The following MSI2 variants were observed in gnomAD, a reference collection of about 807,000 sequenced individuals.
MSI2 encodes musashi RNA binding protein 2.
Under a neutral mutation model 45.6 loss-of-function variants are expected in MSI2, and 17 were observed. That is an observed-to-expected ratio of 0.37 (90% CI 0.26 to 0.56). MSI2 has a LOEUF of 0.56. MSI2 is among the 20% of genes least tolerant of loss of function. The pLI is 0.77. For missense variants in MSI2, 293 were observed against 444.2 expected, an observed-to-expected ratio of 0.66 and a Z score of 3.06; for synonymous variants, 156 against 158.2, an observed-to-expected ratio of 0.99 and a Z score of 0.11.
rs193158680 is a variant in MSI2 at position 57,356,341 on chromosome 17, G to T, written c.313-45038G>T. On this transcript the variant is annotated intron_variant, in intron 5 of 13. Coordinates refer to ENST00000284073, the MANE Select transcript of MSI2 (RefSeq NM_138962.4). ...CTTGATAACTTTGATGCCCTGGTTGGACTCTTAAGCAGATTATCCTTGGGT... is the reference window on the plus strand; with the variant it reads ...CTTGATAACTTTGATGCCCTGGTTGTACTCTTAAGCAGATTATCCTTGGGT... Among the ~76,000 whole-genome samples the T allele has an allele frequency of 1.2e-3, 186 of 152,264 alleles. 1 individual carries two copies. The highest frequency in any genetic ancestry group is 1.6e-3 in the Non-Finnish European group (108 of 68,028).
rs145077047 is a variant in MSI2 at position 57,455,595 on chromosome 17, A to G, written c.405+54124A>G. On this transcript the variant is annotated intron_variant, in intron 6 of 13. Coordinates refer to ENST00000284073, the MANE Select transcript of MSI2 (RefSeq NM_138962.4). Reference sequence around the variant, plus strand: ...TCTCCTCATGCCCCCTGAGTGGAGAAGTTTTTGTGTATAGCGAGTCCAAAA... The same window carrying G: ...TCTCCTCATGCCCCCTGAGTGGAGAGGTTTTTGTGTATAGCGAGTCCAAAA... Among the ~76,000 whole-genome samples the G allele has an allele frequency of 4.7e-3, 709 of 152,238 alleles. 3 individuals carry two copies. The highest frequency in any genetic ancestry group is 0.016 in the African/African-American group (646 of 41,542).
intron 6 of MSI2, among the ~76,000 whole-genome samples, chr17:57,461,985 G>T (rs2085239418): frequency 6.6e-6 from 1 of 152,198 alleles, no homozygotes; most frequent in Non-Finnish European, 1.5e-5. Flanking sequence ...CTCAGCTACA[G>T]AAATGCCTTG....
rs555680133 is a variant in MSI2, at chr17:57,638,976, T to G, written c.727+11673T>G. On this transcript the variant is annotated intron_variant, in intron 10 of 13. Transcript: ENST00000284073. The stretch of plus-strand genomic sequence containing the variant: ...AGTCTAAGATCAAGGTACCAGCAGA[T>G]TGGACATCTGGTGAGGACCACTTCC... Among the ~76,000 whole-genome samples the G allele has an allele frequency of 4.6e-5, 7 of 152,296 alleles. No individual in the cohort carries two copies. In the South Asian group the frequency reaches 1.2e-3, roughly 27 times the overall value.
At chr17:57,479,777 T>G (rs1233282028) in intron 6 of MSI2, among the ~76,000 whole-genome samples, 1 of 152,200 alleles carries the variant, frequency 6.6e-6, no homozygotes, top group Non-Finnish European at 1.5e-5. Flanking sequence ...TGAGACCTAC[T>G]GTGGGCTAGA....
intron 5 of MSI2, chr17:57,264,169 G>A (rs1907567962): frequency 6.6e-6 from 1 of 152,156 alleles, no homozygotes; most frequent in African/African-American, 2.4e-5. Context: ...TCCGGTTGTT[G>A]TTTGCAAGTG....
intron 6 of MSI2, among the ~76,000 whole-genome samples, chr17:57,474,012 T>C (rs1452313724): frequency 6.6e-6 from 1 of 152,164 alleles, no homozygotes; most frequent in African/African-American, 2.4e-5. Context: ...CTCTTCTTTA[T>C]GGGGAAGATG....
intron 5 of MSI2, chr17:57,285,875 G>A (rs964723796): frequency 1.3e-6 from 2 of 1,524,092 alleles, no homozygotes; most frequent in Non-Finnish European, 1.7e-6. Context: ...TTTCCGAACA[G>A]GTGTTTAGAT....
intron 7 of MSI2, among the ~76,000 whole-genome samples, chr17:57,560,495 C>T (rs1567899921): frequency 6.6e-6 from 1 of 152,178 alleles, no homozygotes; most frequent in Admixed American, 6.5e-5. Context: ...CCCAGATCAC[C>T]ACGTTTTGGG....
At chr17:57,351,242 G>T (rs1040759124) in intron 5 of MSI2, among the ~76,000 whole-genome samples, 1 of 152,212 alleles carries the variant, frequency 6.6e-6, no homozygotes, top group Middle Eastern at 3.4e-3. Flanking sequence ...GGAGGGTCAA[G>T]CAGAAAGTAA....
intron 5 of MSI2, among the ~76,000 whole-genome samples, chr17:57,354,593 T>C (rs1244981297): frequency 6.6e-6 from 1 of 151,774 alleles, no homozygotes; most frequent in Admixed American, 6.6e-5. Flanking sequence ...CGCCAGAACT[T>C]TAGGTGAGGC....
intron 11 of MSI2, among the ~76,000 whole-genome samples, chr17:57,660,640 T>C (rs1911925944): frequency 6.6e-6 from 1 of 152,078 alleles, no homozygotes; most frequent in South Asian, 2.1e-4. Flanking sequence ...GAGGAGGAAG[T>C]GATCAGCTTT....
the MSI2 span, among the ~76,000 whole-genome samples, chr17:57,692,983 T>A: frequency 6.6e-6 from 1 of 151,994 alleles, no homozygotes; most frequent in Non-Finnish European, 1.5e-5. Context: ...TGGTTTCATG[T>A]CTTTCATTAT....
intron 5 of MSI2, among the ~76,000 whole-genome samples, chr17:57,342,135 G>T (rs557275927): frequency 6.6e-6 from 1 of 152,284 alleles, no homozygotes; most frequent in African/African-American, 2.4e-5. Flanking sequence ...GAATAGGATG[G>T]CCCCGTAATG....
At chr17:57,403,870 A>G (rs1290613892) in intron 6 of MSI2, among the ~76,000 whole-genome samples, 1 of 152,060 alleles carries the variant, frequency 6.6e-6, no homozygotes, top group African/African-American at 2.4e-5. Flanking sequence ...TAACAGGTAA[A>G]TTGACAGACT....
intron 6 of MSI2, among the ~76,000 whole-genome samples, chr17:57,408,648 C>T (rs2084130076): frequency 7.7e-6 from 1 of 129,630 alleles, no homozygotes; most frequent in African/African-American, 2.9e-5. Context: ...CAGAGTCCTC[C>T]TGGGCCCTCT....
chr17:57,327,478 G>A (rs1027505737), intron 5 of MSI2, among the ~76,000 whole-genome samples: 8 of 152,166 alleles, frequency 5.3e-5, no homozygotes, highest in Admixed American at 5.2e-4. Flanking sequence ...CCCTTGGTTG[G>A]CTATCTTCTT....
chr17:57,257,151 G>GA lies in MSI2; in HGVS notation c.103+13_103+14insA. ...CAGACCTCACCAGGTAAGGGAGGGAGGGGGGGACGCCTGGGTCCCCCCCTT... is the reference window on the plus strand; with the variant it reads ...CAGACCTCACCAGGTAAGGGAGGGAGAGGGGGGACGCCTGGGTCCCCCCCTT... On this transcript the variant is annotated intron_variant, in intron 2 of 13. Coordinates refer to ENST00000284073, the MANE Select transcript of MSI2 (RefSeq NM_138962.4). 6.5e-7 allele frequency: 1 copy of GA among 1,528,994 alleles called. No homozygotes were observed. The highest frequency in any genetic ancestry group is 8.9e-7 in the Non-Finnish European group (1 of 1,121,704). The allele number at this position is 1,528,994 out of a possible 1,614,324, so 94.7% of individuals were successfully genotyped here.
intron 7 of MSI2, among the ~76,000 whole-genome samples, chr17:57,593,192 C>G (rs1356262643): frequency 6.6e-6 from 1 of 152,184 alleles, no homozygotes; most frequent in African/African-American, 2.4e-5. Context: ...GCCAAGTCAG[C>G]AGGCCTGGCG....
At chr17:57,547,370 G>A (rs752957385) in intron 7 of MSI2, among the ~76,000 whole-genome samples, 6 of 152,172 alleles carry the variant, frequency 3.9e-5, no homozygotes, top group African/African-American at 1.4e-4. Flanking sequence ...AAGGAAGGAC[G>A]GGGATGCATG....
Sources: gnomAD v4.1 joint callset for allele counts (sites outside exome capture counted in the v4.1 genomes callset) on GRCh38, gnomAD v4.1.1 for gene constraint, MANE v1.5 for transcripts, NCBI Gene and HGNC (gene_info 2026-07-23, HGNC 2026-07-21) for gene names.